Variants in PRKG1 observed in about 807,000 individuals in gnomAD.
PRKG1 encodes the protein cGMP-dependent protein kinase 1.
Under a neutral mutation model 88.1 loss-of-function variants are expected in PRKG1, and 35 were observed. The ratio of observed to expected loss-of-function variants is 0.40; its 90% confidence interval spans 0.30 to 0.53. The LOEUF is 0.53. Among genes scored for constraint, PRKG1 ranks in the 20% least tolerant of loss-of-function variants. The pLI is 0.59. For synonymous variants in PRKG1, 303 were observed against 292.5 expected (o/e 1.04, Z -0.37); for missense variants, 540 against 839.8 (o/e 0.64, Z 4.41).
At chr10:51,505,204 G>T (rs560314501) in intron 3 of PRKG1, among the ~76,000 whole-genome samples, 176 of 152,182 alleles carry the variant, frequency 1.2e-3, no homozygotes, top group African/African-American at 4.2e-3. Flanking sequence ...TTTGTCAAAG[G>T]CCTTTTCTGC....
At chr10:51,298,637 G>A (rs146946663) in intron 2 of PRKG1, among the ~76,000 whole-genome samples, 196 of 152,248 alleles carry the variant, frequency 1.3e-3, no homozygotes, top group African/African-American at 4.5e-3. Flanking sequence ...GGAGTCTAGG[G>A]GGTAATGTAG....
intron 7 of PRKG1, among the ~76,000 whole-genome samples, chr10:52,072,006 T>C (rs929261631): frequency 5.3e-5 from 8 of 152,054 alleles, no homozygotes; most frequent in African/African-American, 1.9e-4. Flanking sequence ...TCTGGCCTTA[T>C]GAAGGACTCA....
intron 4 of PRKG1, among the ~76,000 whole-genome samples, chr10:51,838,252 G>A (rs1840180426): frequency 6.6e-6 from 1 of 152,080 alleles, no homozygotes; most frequent in Non-Finnish European, 1.5e-5. Context: ...GTGATCTAAA[G>A]ATTTTCTCTG....
chr10:52,265,316 G>T (rs1841543951), intron 10 of PRKG1, among the ~76,000 whole-genome samples: 1 of 152,060 alleles, frequency 6.6e-6, no homozygotes, highest in Non-Finnish European at 1.5e-5. Flanking sequence ...AATGTAATTT[G>T]AACCACTTCA....
intron 5 of PRKG1, among the ~76,000 whole-genome samples, chr10:51,970,168 C>T (rs945996423): frequency 6.6e-6 from 1 of 151,902 alleles, no homozygotes; most frequent in African/African-American, 2.4e-5. Flanking sequence ...TGTTTTCTTA[C>T]ATCAACATAG....
intron 2 of PRKG1, among the ~76,000 whole-genome samples, chr10:51,194,330 C>A (rs1156986499): frequency 6.6e-6 from 1 of 151,018 alleles, no homozygotes; most frequent in Non-Finnish European, 1.5e-5. Flanking sequence ...TGGTGGTTTG[C>A]TGCACCTATC....
At chr10:52,111,128 G>T (rs1166090988) in intron 7 of PRKG1, among the ~76,000 whole-genome samples, 6 of 152,232 alleles carry the variant, frequency 3.9e-5, no homozygotes, top group African/African-American at 1.4e-4. Context: ...CTTAAAAAAA[G>T]GATCCAGAAC....
chr10:51,276,604 C>A (rs973338984), intron 2 of PRKG1, among the ~76,000 whole-genome samples: 9 of 152,142 alleles, frequency 5.9e-5, no homozygotes, highest in Non-Finnish European at 8.8e-5. Context: ...GTTCCTATTT[C>A]TCCACATCCT....
At chr10:52,036,902 A>T (rs1378584101) in intron 5 of PRKG1, among the ~76,000 whole-genome samples, 1 of 152,216 alleles carries the variant, frequency 6.6e-6, no homozygotes, top group East Asian at 1.9e-4. Context: ...AAAAGAAGGT[A>T]ATGTGGAGTG....
At chr10:52,203,995 T>A (rs991592429) in intron 9 of PRKG1, among the ~76,000 whole-genome samples, 4 of 152,166 alleles carry the variant, frequency 2.6e-5, no homozygotes, top group Admixed American at 6.6e-5. Flanking sequence ...TGCCTCTTCA[T>A]TGTGGCATTT....
chr10:51,527,230 C>T (rs562213690), intron 3 of PRKG1, among the ~76,000 whole-genome samples: 15 of 151,310 alleles, frequency 9.9e-5, no homozygotes, highest in East Asian at 5.8e-4. Flanking sequence ...AAATGAATAA[C>T]GAAAAAGAAT....
In PRKG1 at chr10:51,580,866, G is replaced by C. The variant is rs188626883; in HGVS notation, c.592+113030G>C. Among the ~76,000 whole-genome samples the C allele has an allele frequency of 1.4e-3, 219 of 152,134 alleles. 3 individuals carry two copies. Among genetic ancestry groups the C allele is most frequent in the Non-Finnish European group, 4.6e-4 (31 of 68,008 alleles). On this transcript the variant is annotated intron_variant, in intron 3 of 17. Transcript: ENST00000373980. ...AATCATCACCTACTTGACACCAAGC[G>C]GGGTGGTCTCCTACTTCCTTAGTAT...
At chr10:52,070,308 T>C (rs918100710) in intron 7 of PRKG1, among the ~76,000 whole-genome samples, 3 of 151,860 alleles carry the variant, frequency 2.0e-5, no homozygotes, top group African/African-American at 7.2e-5. Flanking sequence ...TGTAAATATC[T>C]AGGTCAAATT....
In PRKG1 at chr10:51,096,306, T is replaced by A. The variant is rs76997869; in HGVS notation, c.311+21405T>A. Among the ~76,000 whole-genome samples, 8 of 152,280 alleles carry A rather than the reference T, an allele frequency of 5.3e-5. No individual in the cohort carries two copies. In the East Asian group the frequency reaches 5.8e-4, roughly 11 times the overall value. Reference sequence around the variant, plus strand: ...CATTGAAGGTAGAAATTAACCCTTATGTTGCATTTGTCCATGAACTAAAGA... The same window carrying A: ...CATTGAAGGTAGAAATTAACCCTTAAGTTGCATTTGTCCATGAACTAAAGA... On this transcript the variant is annotated intron_variant, in intron 1 of 17. Coordinates refer to ENST00000373980, the MANE Select transcript of PRKG1 (RefSeq NM_006258.4).
intron 3 of PRKG1, among the ~76,000 whole-genome samples, chr10:51,747,782 G>T (rs947649475): frequency 6.6e-6 from 1 of 151,964 alleles, no homozygotes; most frequent in South Asian, 2.1e-4. Context: ...TTGGAGAGGG[G>T]CACGAGGGTT....
intron 5 of PRKG1, among the ~76,000 whole-genome samples, chr10:52,005,285 C>T (rs573279662): frequency 2.8e-4 from 34 of 121,936 alleles, no homozygotes; most frequent in South Asian, 5.1e-4. Flanking sequence ...TCAGTAGAGA[C>T]GGATTTTTGC....
At chr10:51,490,270 C>T (rs559560643) in intron 3 of PRKG1, among the ~76,000 whole-genome samples, 1 of 152,170 alleles carries the variant, frequency 6.6e-6, no homozygotes, top group African/African-American at 2.4e-5. Context: ...AAATTATTTA[C>T]CAATTCTTCT....
chr10:51,952,612 T>C (rs1199963744), intron 5 of PRKG1, among the ~76,000 whole-genome samples: 1 of 152,164 alleles, frequency 6.6e-6, no homozygotes, highest in Middle Eastern at 3.2e-3. Context: ...TTAAGTGTCA[T>C]TGTTCTTAGT....
intron 7 of PRKG1, among the ~76,000 whole-genome samples, chr10:52,078,626 C>T (rs949098705): frequency 1.3e-5 from 2 of 152,164 alleles, no homozygotes; most frequent in African/African-American, 4.8e-5. Flanking sequence ...ATTTTTATTG[C>T]TTCTCATTTT....
Sources: allele counts gnomAD v4.1 joint callset (sites outside exome capture counted in the v4.1 genomes callset), GRCh38; gene constraint gnomAD v4.1.1; transcripts MANE v1.5; gene names NCBI Gene and HGNC (gene_info 2026-07-23, HGNC 2026-07-21).